The following AFF2 variants were observed in gnomAD, a reference collection of about 807,000 sequenced individuals.
The protein encoded by AFF2 is ALF transcription elongation factor 2.
In AFF2, 14 loss-of-function variants were observed where a neutral mutation model predicts 76.9. The observed-to-expected ratio is 0.18, with a 90% CI of 0.12 to 0.28. The LOEUF is 0.28. Among genes scored for constraint, AFF2 ranks in the 10% least tolerant of loss-of-function variants. The pLI is 1.00. For missense variants in AFF2, 868 were observed against 1,001.1 expected, an observed-to-expected ratio of 0.87 and a Z score of 1.79; for synonymous variants, 398 against 366.7, an observed-to-expected ratio of 1.09 and a Z score of -0.98.
chrX:148,734,801 T>G (rs2055266367), intron 3 of AFF2, among the ~76,000 whole-genome samples: 1 of 112,130 alleles, frequency 8.9e-6, no homozygotes, highest in Non-Finnish European at 1.9e-5. Flanking sequence ...TGCATTTGTA[T>G]TTTTTGTGTA....
At chrX:148,782,549 A>C (rs2069758390) in intron 3 of AFF2, among the ~76,000 whole-genome samples, 2 of 112,311 alleles carry the variant, frequency 1.8e-5, no homozygotes, top group South Asian at 7.4e-4. Flanking sequence ...TTTCTCTTTA[A>C]GGAATTAAGG....
rs781855961 is a variant in AFF2 at position 148,870,881 on chromosome X, C to T, written c.1263-15008C>T. Reference sequence around the variant, plus strand: ...AGTTAGTGTGGCCTTCATAATCTCACAGGGACAAGGCATCCTCCCTCCCTG... The same window carrying T: ...AGTTAGTGTGGCCTTCATAATCTCATAGGGACAAGGCATCCTCCCTCCCTG... On this transcript the variant is annotated intron_variant, in intron 7 of 20. Coordinates refer to ENST00000370460, the MANE Select transcript of AFF2 (RefSeq NM_002025.4). 1.4e-3 allele frequency among the ~76,000 whole-genome samples: 156 copies of T among 111,949 alleles called. 1 individual carries two copies. The highest frequency in any genetic ancestry group is 2.5e-3 in the Non-Finnish European group (132 of 53,153).
intron 7 of AFF2, among the ~76,000 whole-genome samples, chrX:148,882,201 T>G: frequency 8.9e-6 from 1 of 111,853 alleles, no homozygotes; most frequent in Non-Finnish European, 1.9e-5. Context: ...TGCACTAGAA[T>G]GTTTCAGTGC....
At chrX:148,779,822 G>GTC (rs1557268920) in intron 3 of AFF2, among the ~76,000 whole-genome samples, 1 of 111,802 alleles carries the variant, frequency 8.9e-6, no homozygotes, top group East Asian at 2.8e-4. Context: ...CTATTGGTTG[G>GTC]TGCAGTTTCT....
intron 1 of AFF2, among the ~76,000 whole-genome samples, chrX:148,550,282 G>C: frequency 8.9e-6 from 1 of 111,922 alleles, no homozygotes; most frequent in East Asian, 2.8e-4. Flanking sequence ...TTTGGGGGAG[G>C]AGAACTGATT....
chrX:148,846,739 A>C (rs1214261669), intron 7 of AFF2, among the ~76,000 whole-genome samples: 1 of 111,162 alleles, frequency 9.0e-6, no homozygotes, highest in Non-Finnish European at 1.9e-5. Flanking sequence ...GCGTGGGCAT[A>C]AGAAGGTGAA....
At chrX:148,888,760 G>C (rs2071189595) in intron 8 of AFF2, among the ~76,000 whole-genome samples, 1 of 111,527 alleles carries the variant, frequency 9.0e-6, no homozygotes, top group Non-Finnish European at 1.9e-5. Flanking sequence ...TGTCTCATTT[G>C]AACCTTACAG....
intron 9 of AFF2, among the ~76,000 whole-genome samples, chrX:148,949,511 G>T (rs2071940722): frequency 8.9e-6 from 1 of 112,098 alleles, no homozygotes; most frequent in African/African-American, 3.2e-5. Flanking sequence ...TGACCATGAA[G>T]ACCTAATGAA....
At chrX:148,911,467 T>G (rs1210003033) in intron 9 of AFF2, among the ~76,000 whole-genome samples, 6 of 111,786 alleles carry the variant, frequency 5.4e-5, no homozygotes, top group African/African-American at 2.0e-4. Context: ...ACAAGTTTTG[T>G]GGGATTTTCT....
chrX:148,614,738 T>TTTCTTTCTTTCTTTCCTTTTC (rs1158870444), intron 1 of AFF2, among the ~76,000 whole-genome samples: 1 of 55,286 alleles, frequency 1.8e-5, no homozygotes, highest in East Asian at 5.2e-4. Context: ...TCTTTCCTTC[T>TTTCTTTCTTTCTTTCCTTTTC]TTTCTTTCTT....
chrX:148,685,803 C>T (rs1312288943), intron 3 of AFF2, among the ~76,000 whole-genome samples: 8 of 110,314 alleles, frequency 7.3e-5, no homozygotes, highest in Non-Finnish European at 1.1e-4. Flanking sequence ...TTAAAATTAC[C>T]GGTCTATTTA....
chrX:148,669,762 GT>G (rs1230020197), intron 3 of AFF2, among the ~76,000 whole-genome samples: 1 of 111,399 alleles, frequency 9.0e-6, no homozygotes, highest in Non-Finnish European at 1.9e-5. Context: ...ATCACTTGAG[GT>G]ATATCACCAG....
At chrX:148,893,257 G>T (rs782417594) in intron 8 of AFF2, among the ~76,000 whole-genome samples, 1 of 111,860 alleles carries the variant, frequency 8.9e-6, no homozygotes, top group South Asian at 3.8e-4. Flanking sequence ...TTTCCCATTT[G>T]GCTATATTAG....
rs574314521 is a variant in AFF2, at chrX:148,942,817, GAAA to G, written c.1398-10749_1398-10747del. Among the ~76,000 whole-genome samples, 180 of 86,631 alleles carry G rather than the reference GAAA, an allele frequency of 2.1e-3. 2 individuals carry two copies. Among genetic ancestry groups the G allele is most frequent in the Admixed American group, 4.6e-3 (35 of 7,602 alleles). The allele number at this position is 86,631 out of a possible 115,157, so 75.2% of individuals were successfully genotyped here. ...GGCGATAGTGTGAGACTCCATCTCA[GAAA>G]AAAAAAAAAAAAATAGAAAAGAAAA... On this transcript the variant is annotated intron_variant, in intron 9 of 20. Coordinates refer to ENST00000370460, the MANE Select transcript of AFF2 (RefSeq NM_002025.4).
At chrX:148,708,799 C>T (rs1000181935) in intron 3 of AFF2, among the ~76,000 whole-genome samples, 1 of 112,471 alleles carries the variant, frequency 8.9e-6, no homozygotes, top group Non-Finnish European at 1.9e-5. Context: ...CTGAAGTTTG[C>T]AGATATGCCT....
intron 1 of AFF2, among the ~76,000 whole-genome samples, chrX:148,565,634 A>T (rs895972477): frequency 9.0e-6 from 1 of 111,321 alleles, no homozygotes; most frequent in Non-Finnish European, 1.9e-5. Flanking sequence ...ATGTGTAGCA[A>T]TCCATATGCT....
chrX:148,797,768 T>A (rs1557270624), intron 3 of AFF2, among the ~76,000 whole-genome samples: 1 of 112,063 alleles, frequency 8.9e-6, no homozygotes, highest in Non-Finnish European at 1.9e-5. Flanking sequence ...ATTCTCCCCA[T>A]AAATTGGTAT....
chrX:148,936,684 A>T (rs1446653091), intron 9 of AFF2, among the ~76,000 whole-genome samples: 1 of 112,413 alleles, frequency 8.9e-6, no homozygotes, highest in Non-Finnish European at 1.9e-5. Flanking sequence ...GGATTCACAA[A>T]TGTAGGTTTT....
rs900217695 is a variant in AFF2 at position 148,754,164 on chromosome X, A to C, written c.1042-55712A>C. ...TCCAAATCCTATTAGAAGAGCACTA[A>C]CATACAAAACACATTGATTATACAA... On this transcript the variant is annotated intron_variant, in intron 3 of 20. Coordinates refer to ENST00000370460, the MANE Select transcript of AFF2 (RefSeq NM_002025.4). Among the ~76,000 whole-genome samples, 7 of 111,607 alleles carry C rather than the reference A, an allele frequency of 6.3e-5. No individual in the cohort carries two copies. The East Asian group carries it at 8.4e-4, about 13-fold the overall frequency.
Sources: allele counts gnomAD v4.1 joint callset (sites outside exome capture counted in the v4.1 genomes callset), GRCh38; gene constraint gnomAD v4.1.1; transcripts MANE v1.5; gene names NCBI Gene and HGNC (gene_info 2026-07-23, HGNC 2026-07-21).